NKAIN3: variants seen among roughly 807,000 people sequenced by gnomAD.
The protein encoded by NKAIN3 is sodium/potassium transporting ATPase interacting 3.
Under a neutral mutation model 30.2 loss-of-function variants are expected in NKAIN3, and 25 were observed. The ratio of observed to expected loss-of-function variants is 0.83; its 90% CI spans 0.60 to 1.16. NKAIN3 has a LOEUF of 1.16. Among genes scored for constraint, NKAIN3 ranks in the 50% most tolerant of loss-of-function variants. The pLI is 0.00. For synonymous variants in NKAIN3, 91 were observed against 89.6 expected, an observed-to-expected ratio of 1.02 and a Z score of -0.09; for missense variants, 225 against 254.1, an observed-to-expected ratio of 0.89 and a Z score of 0.78.
intron 3 of NKAIN3, among the ~76,000 whole-genome samples, chr8:62,602,639 C>T (rs961189185): frequency 6.6e-6 from 1 of 152,076 alleles, no homozygotes; most frequent in African/African-American, 2.4e-5. Flanking sequence ...GCCTTGACCT[C>T]TCCCTGATCC....
At chr8:62,719,198 G>C (rs1001441953) in intron 3 of NKAIN3, among the ~76,000 whole-genome samples, 1 of 152,122 alleles carries the variant, frequency 6.6e-6, no homozygotes, top group African/African-American at 2.4e-5. Context: ...GCAGGTGTGC[G>C]GTTGACTATG....
At position 62,585,503 on chromosome 8, in the gene NKAIN3, T is replaced by C. The variant is rs150259049; in HGVS notation, c.193-4211T>C. On this transcript the variant is annotated intron_variant, in intron 2 of 6. Coordinates refer to ENST00000623646, the MANE Select transcript of NKAIN3 (RefSeq NM_001304533.3). Reference sequence around the variant, plus strand: ...TTTTTGACACCAGGAACTCATTTCATGGAAGACAATTTTTCCAGAGGTTGG... The same window carrying C: ...TTTTTGACACCAGGAACTCATTTCACGGAAGACAATTTTTCCAGAGGTTGG... Among the ~76,000 whole-genome samples, 4 of 152,306 alleles carry C rather than the reference T, an allele frequency of 2.6e-5. No individual in the cohort carries two copies. In the East Asian group the frequency reaches 7.7e-4, roughly 29 times the overall value.
rs150252889 is a variant in NKAIN3, at chr8:62,305,035, T to C, written c.54+55908T>C. ...TAAAATGAGAATAATTATCAGCTGG[T>C]TTAAAGATCAGAAGGAGGGTCTGTA... On this transcript the variant is annotated intron_variant, in intron 1 of 6. Coordinates refer to ENST00000623646, the MANE Select transcript of NKAIN3 (RefSeq NM_001304533.3). Among the ~76,000 whole-genome samples, 111 of 150,622 alleles carry C rather than the reference T, an allele frequency of 7.4e-4. 9 individuals are homozygous for C. The highest frequency in any genetic ancestry group is 2.6e-3 in the African/African-American group (105 of 40,044).
intron 4 of NKAIN3, among the ~76,000 whole-genome samples, chr8:62,758,885 T>C (rs10103482): frequency 0.081 from 12,391 of 152,276 alleles, 518 homozygotes; most frequent in Middle Eastern, 0.092. Flanking sequence ...AATCCCAATA[T>C]GAATTTTTGA....
downstream of NKAIN3, among the ~76,000 whole-genome samples, chr8:62,987,437 A>C (rs539235831): frequency 5.9e-5 from 9 of 152,200 alleles, no homozygotes; most frequent in Middle Eastern, 3.4e-3. Context: ...GTAATTTATA[A>C]AAAATAAGAG....
chr8:62,833,047 C>T lies in NKAIN3; in HGVS notation c.472-85406C>T, dbSNP rs895429594. Among the ~76,000 whole-genome samples, 41 of 152,138 alleles carry T rather than the reference C, an allele frequency of 2.7e-4. 1 individual carries two copies. The highest frequency in any genetic ancestry group is 3.4e-3 in the Middle Eastern group (1 of 294). On this transcript the variant is annotated intron_variant, in intron 4 of 6. Coordinates refer to ENST00000623646, the MANE Select transcript of NKAIN3 (RefSeq NM_001304533.3). ...TCAATACCAAGAAAATCTCTCAAAACTACACAATTACATGGAAATTAAACA... is the reference window on the plus strand; with the variant it reads ...TCAATACCAAGAAAATCTCTCAAAATTACACAATTACATGGAAATTAAACA...
intron 3 of NKAIN3, among the ~76,000 whole-genome samples, chr8:62,592,985 T>C (rs1361284777): frequency 6.6e-6 from 1 of 151,950 alleles, no homozygotes; most frequent in Admixed American, 6.6e-5. Flanking sequence ...AATTGACAAA[T>C]CCATTAACAT....
intron 1 of NKAIN3, among the ~76,000 whole-genome samples, chr8:62,353,735 G>A (rs919916065): frequency 6.6e-6 from 1 of 152,090 alleles, no homozygotes; most frequent in Non-Finnish European, 1.5e-5. Flanking sequence ...CCCTTATAGA[G>A]AATTTTTTGT....
At chr8:62,735,682 G>A (rs1586143916) in intron 3 of NKAIN3, among the ~76,000 whole-genome samples, 1 of 152,036 alleles carries the variant, frequency 6.6e-6, no homozygotes, top group South Asian at 2.1e-4. Flanking sequence ...GCTGGTGAAC[G>A]AGTGCGATCT....
chr8:62,407,757 T>C (rs1300946175), intron 1 of NKAIN3, among the ~76,000 whole-genome samples: 1 of 152,146 alleles, frequency 6.6e-6, no homozygotes, highest in Non-Finnish European at 1.5e-5. Context: ...AAAAATATAA[T>C]GTTTAGGCTC....
chr8:62,988,739 G>T (rs1824257154), downstream of NKAIN3, among the ~76,000 whole-genome samples: 5 of 152,336 alleles, frequency 3.3e-5, 1 homozygote, highest in Admixed American at 3.3e-4. Context: ...ACATGCCCTG[G>T]AGACATCTTC....
chr8:62,534,545 G>A lies in NKAIN3; in HGVS notation c.55-44994G>A, dbSNP rs371167297. Among the ~76,000 whole-genome samples the A allele has an allele frequency of 3.3e-5, 5 of 152,068 alleles. No homozygotes were observed. The East Asian group carries it at 9.6e-4, about 29-fold the overall frequency. On this transcript the variant is annotated intron_variant, in intron 1 of 6. Coordinates refer to ENST00000623646, the MANE Select transcript of NKAIN3 (RefSeq NM_001304533.3). ...GAATGTCACCTGTGAACTGTAAAAC[G>A]CATCAGCTGTTTCTTATTGAAAACA... is the stretch of plus-strand genomic sequence containing the variant.
At chr8:62,580,921 T>TAG (rs1391514758) in intron 2 of NKAIN3, among the ~76,000 whole-genome samples, 8 of 147,964 alleles carry the variant, frequency 5.4e-5, no homozygotes, top group African/African-American at 2.0e-4. Context: ...TATATATATA[T>TAG]ATATAGAAAT....
At chr8:62,816,572 C>T (rs28704774) in intron 4 of NKAIN3, among the ~76,000 whole-genome samples, 1,987 of 152,212 alleles carry the variant, frequency 0.013, 45 homozygotes, top group African/African-American at 0.045. Context: ...CATACATTAG[C>T]TCCTTCTGCT....
intron 1 of NKAIN3, among the ~76,000 whole-genome samples, chr8:62,342,960 A>G (rs1815801137): frequency 6.6e-6 from 1 of 152,112 alleles, no homozygotes; most frequent in Non-Finnish European, 1.5e-5. Context: ...TCATACTTAC[A>G]GGAAGCATGT....
intron 1 of NKAIN3, among the ~76,000 whole-genome samples, chr8:62,555,945 A>G (rs1809372439): frequency 6.6e-6 from 1 of 152,058 alleles, no homozygotes; most frequent in African/African-American, 2.4e-5. Flanking sequence ...CCTAATGGAA[A>G]ATGTCTAAAA....
At chr8:62,560,531 C>CTT (rs869256384) in intron 1 of NKAIN3, among the ~76,000 whole-genome samples, 1,608 of 45,276 alleles carry the variant, frequency 0.036, 202 homozygotes, top group South Asian at 0.06. Context: ...TTTTTCTTTT[C>CTT]TTTTTTTTTT....
chr8:62,681,290 T>C (rs570566201), intron 3 of NKAIN3, among the ~76,000 whole-genome samples: 2 of 152,344 alleles, frequency 1.3e-5, no homozygotes, highest in African/African-American at 4.8e-5. Flanking sequence ...AACTTTGAGA[T>C]TATTGAATGA....
intron 6 of NKAIN3, among the ~76,000 whole-genome samples, chr8:62,963,364 A>G (rs1406684110): frequency 6.6e-6 from 1 of 152,172 alleles, no homozygotes; most frequent in African/African-American, 2.4e-5. Flanking sequence ...ACCTGACATC[A>G]TAAGAACAGG....
Sources: allele counts gnomAD v4.1 joint callset (sites outside exome capture counted in the v4.1 genomes callset), GRCh38; gene constraint gnomAD v4.1.1; transcripts MANE v1.5; gene names NCBI Gene and HGNC (gene_info 2026-07-23, HGNC 2026-07-21).